The following CELF4 variants were observed in gnomAD, a reference collection of about 807,000 sequenced individuals.
The protein encoded by CELF4 is CUG-BP- and ETR-3-like factor 4.
CELF4 carries 18 observed loss-of-function variants against 59.9 expected under a neutral mutation model. The ratio of observed to expected loss-of-function variants is 0.30; its 90% CI spans 0.21 to 0.45. The LOEUF is 0.45. CELF4 is among the 20% of genes least tolerant of loss of function. The pLI is 1.00. For synonymous variants in CELF4, 261 were observed against 267.1 expected (o/e 0.98, Z 0.22); for missense variants, 456 against 689.0 (o/e 0.66, Z 3.79).
intron 2 of CELF4, among the ~76,000 whole-genome samples, chr18:37,400,730 G>C (rs1377487170): frequency 5.3e-5 from 8 of 152,234 alleles, no homozygotes; most frequent in Non-Finnish European, 1.0e-4. Flanking sequence ...CCCAGACCCA[G>C]AATGAATGCC....
intron 2 of CELF4, among the ~76,000 whole-genome samples, chr18:37,396,460 A>T (rs562845634): frequency 6.6e-6 from 1 of 152,348 alleles, no homozygotes; most frequent in East Asian, 1.9e-4. Context: ...CAGAAGGATT[A>T]AAAACAGACA....
At chr18:37,282,349 A>G (rs1450650446) in intron 3 of CELF4, among the ~76,000 whole-genome samples, 2 of 152,116 alleles carry the variant, frequency 1.3e-5, no homozygotes, top group East Asian at 1.9e-4. Context: ...GGAGGTCTAC[A>G]TGGGTTGTGC....
chr18:37,493,640 G>T (rs2099915852), intron 1 of CELF4, among the ~76,000 whole-genome samples: 1 of 151,846 alleles, frequency 6.6e-6, no homozygotes, highest in African/African-American at 2.4e-5. Flanking sequence ...CTTCCTCAGA[G>T]GAGGCAGCCT....
chr18:37,563,337 C>G (rs1045208573), intron 1 of CELF4, among the ~76,000 whole-genome samples: 5 of 152,144 alleles, frequency 3.3e-5, no homozygotes, highest in Admixed American at 6.5e-5. Context: ...TCATAACTGT[C>G]TTTTGCCTCT....
intron 2 of CELF4, among the ~76,000 whole-genome samples, chr18:37,459,088 T>C (rs2099786575): frequency 6.6e-6 from 1 of 152,204 alleles, no homozygotes; most frequent in South Asian, 2.1e-4. Flanking sequence ...TCATCGCTGA[T>C]GACAGAGCCC....
intron 1 of CELF4, among the ~76,000 whole-genome samples, chr18:37,550,083 T>TA (rs757179608): frequency 1.5e-5 from 1 of 64,748 alleles, no homozygotes; most frequent in African/African-American, 4.7e-5. Flanking sequence ...GTCCAATGGG[T>TA]GGGGGGGGGG....
rs1386218634 is a variant in CELF4 at position 37,274,972 on chromosome 18, A to G, written c.578-88T>C. The G allele has an allele frequency of 3.9e-6, 6 of 1,547,568 alleles. No individual in the cohort carries two copies. In the East Asian group the frequency reaches 1.2e-4, roughly 30 times the overall value. ...GAGGGCGCATCCCAGGTGAACGCAGACGGGTGAGGCAGAGATTGAGAAAGA... is the reference window on the plus strand; with the variant it reads ...GAGGGCGCATCCCAGGTGAACGCAGGCGGGTGAGGCAGAGATTGAGAAAGA... On this transcript the variant is annotated intron_variant, in intron 4 of 12. Coordinates refer to ENST00000420428, the MANE Select transcript of CELF4 (RefSeq NM_020180.4).
chr18:37,416,357 G>A (rs2099528946), intron 2 of CELF4, among the ~76,000 whole-genome samples: 1 of 151,450 alleles, frequency 6.6e-6, no homozygotes, highest in African/African-American at 2.5e-5. Flanking sequence ...TCAGAACCCA[G>A]CTCCTGGGTT....
At chr18:37,514,484 G>A (rs1017744765) in intron 1 of CELF4, among the ~76,000 whole-genome samples, 6 of 152,098 alleles carry the variant, frequency 3.9e-5, no homozygotes, top group African/African-American at 1.2e-4. Context: ...AGTTTCTTCC[G>A]AGAGCCTGGT....
At chr18:37,309,368 G>A (rs2096562005) in intron 3 of CELF4, among the ~76,000 whole-genome samples, 1 of 152,174 alleles carries the variant, frequency 6.6e-6, no homozygotes, top group South Asian at 2.1e-4. Context: ...ACCCAATTGT[G>A]CAGGGCTGCT....
At chr18:37,275,473 A>T (rs905225524) in intron 3 of CELF4, among the ~76,000 whole-genome samples, 1 of 152,042 alleles carries the variant, frequency 6.6e-6, no homozygotes, top group Non-Finnish European at 1.5e-5. Flanking sequence ...GTCGCGGGAC[A>T]GGTGCGGAGA....
At chr18:37,375,742 G>A (rs1392369156) in intron 2 of CELF4, among the ~76,000 whole-genome samples, 1 of 152,156 alleles carries the variant, frequency 6.6e-6, no homozygotes, top group Admixed American at 6.5e-5. Context: ...CGAGGCCTGA[G>A]TGTGTGGGAT....
chr18:37,271,546 G>A (rs368956363), intron 7 of CELF4, among the ~76,000 whole-genome samples: 6 of 152,114 alleles, frequency 3.9e-5, no homozygotes, highest in South Asian at 2.1e-4. Flanking sequence ...ATGAGCCACC[G>A]TACCTGGCCT....
intron 3 of CELF4, among the ~76,000 whole-genome samples, chr18:37,317,904 C>T (rs2096923550): frequency 6.6e-6 from 1 of 152,188 alleles, no homozygotes; most frequent in Non-Finnish European, 1.5e-5. Flanking sequence ...GGGAATGTGT[C>T]TAGAGGCCTG....
chr18:37,536,680 C>T (rs184371209), intron 1 of CELF4, among the ~76,000 whole-genome samples: 1 of 152,260 alleles, frequency 6.6e-6, no homozygotes, highest in East Asian at 1.9e-4. Flanking sequence ...ACAGGAGGAG[C>T]CCTGGCCCCA....
At chr18:37,450,492 C>T (rs996761784) in intron 2 of CELF4, among the ~76,000 whole-genome samples, 4 of 151,872 alleles carry the variant, frequency 2.6e-5, no homozygotes, top group Admixed American at 1.3e-4. Flanking sequence ...TCTGTCTCCC[C>T]GCCCCCTTTC....
chr18:37,390,321 C>T (rs1315735841), intron 2 of CELF4, among the ~76,000 whole-genome samples: 1 of 152,204 alleles, frequency 6.6e-6, no homozygotes, highest in Non-Finnish European at 1.5e-5. Flanking sequence ...GATGAGAGAA[C>T]TGGGAGCCAC....
chr18:37,460,347 C>T (rs183909274), intron 2 of CELF4, among the ~76,000 whole-genome samples: 20 of 152,220 alleles, frequency 1.3e-4, no homozygotes, highest in Middle Eastern at 6.8e-3. Flanking sequence ...TTATGCTGAG[C>T]GAGGGGTTCC....
At chr18:37,280,461 G>A (rs903290433) in intron 3 of CELF4, among the ~76,000 whole-genome samples, 3 of 152,162 alleles carry the variant, frequency 2.0e-5, no homozygotes, top group Non-Finnish European at 4.4e-5. Context: ...CAGAGTCTTT[G>A]GTCTATGGGC....
Sources: allele counts gnomAD v4.1 joint callset (sites outside exome capture counted in the v4.1 genomes callset), GRCh38; gene constraint gnomAD v4.1.1; transcripts MANE v1.5; gene names NCBI Gene and HGNC (gene_info 2026-07-23, HGNC 2026-07-21).